Variants in NDUFAF2 observed in about 807,000 individuals in gnomAD.
NDUFAF2 encodes NADH:ubiquinone oxidoreductase complex assembly factor 2.
In NDUFAF2, 13 loss-of-function variants were observed where a neutral mutation model predicts 22.8. The observed-to-expected ratio is 0.57, with a 90% CI of 0.37 to 0.91. The LOEUF (loss-of-function observed/expected upper bound fraction) is 0.91, where lower values mean the gene tolerates loss of function less well. Among genes scored for constraint, NDUFAF2 ranks in the 40% least tolerant of loss-of-function variants. NDUFAF2 has a pLI of 0.01. For synonymous variants in NDUFAF2, 53 were observed against 64.2 expected (o/e 0.83, Z 0.84); for missense variants, 162 against 195.2 (o/e 0.83, Z 1.01).
chr5:60,988,595 G>T (rs1319909613), intron 1 of NDUFAF2, among the ~76,000 whole-genome samples: 1 of 152,032 alleles, frequency 6.6e-6, no homozygotes, highest in Non-Finnish European at 1.5e-5. Flanking sequence ...TAAACCAATG[G>T]AACAGAATAG....
chr5:61,110,280 T>C (rs374530439), intron 3 of NDUFAF2, among the ~76,000 whole-genome samples: 87 of 152,002 alleles, frequency 5.7e-4, no homozygotes, highest in African/African-American at 1.9e-3. Flanking sequence ...TCTTCTTCTT[T>C]TTTTTTTTAA....
chr5:61,075,996 G>A (rs1752363655), intron 2 of NDUFAF2, among the ~76,000 whole-genome samples: 1 of 152,124 alleles, frequency 6.6e-6, no homozygotes, highest in African/African-American at 2.4e-5. Context: ...TAAATAACTA[G>A]ACTATATTGT....
At chr5:61,090,069 C>G (rs9291706) in intron 2 of NDUFAF2, among the ~76,000 whole-genome samples, 1 of 151,808 alleles carries the variant, frequency 6.6e-6, no homozygotes, top group Non-Finnish European at 1.5e-5. Flanking sequence ...ACTGGTGTGT[C>G]TTCATAGACT....
At chr5:61,029,911 T>C (rs1473717633) in intron 1 of NDUFAF2, among the ~76,000 whole-genome samples, 1 of 152,080 alleles carries the variant, frequency 6.6e-6, no homozygotes, top group Non-Finnish European at 1.5e-5. Flanking sequence ...CTAGAACCAG[T>C]GTATTTTGGC....
At chr5:61,000,438 G>T (rs540749437) in intron 1 of NDUFAF2, among the ~76,000 whole-genome samples, 1 of 152,096 alleles carries the variant, frequency 6.6e-6, no homozygotes, top group East Asian at 1.9e-4. Context: ...TCTGTGTTAA[G>T]AAATGCTTTA....
intron 1 of NDUFAF2, among the ~76,000 whole-genome samples, chr5:60,993,029 C>T (rs1751181137): frequency 6.6e-6 from 1 of 152,210 alleles, no homozygotes; most frequent in Non-Finnish European, 1.5e-5. Flanking sequence ...TTGGCTCAGG[C>T]TACTGGTCTG....
chr5:60,959,308 A>T lies in NDUFAF2; in HGVS notation c.127+13926A>T, dbSNP rs186301771. Among the ~76,000 whole-genome samples the T allele has an allele frequency of 1.3e-3, 190 of 151,996 alleles. 1 individual carries two copies. The highest frequency in any genetic ancestry group is 4.5e-3 in the African/African-American group (186 of 41,514). ...TTAAACATTTTAGATTCACTGTTAA[A>T]TTTTTTTTGAATTGATTTGAAGGAG... On this transcript the variant is annotated intron_variant, in intron 1 of 3. Transcript: ENST00000296597.
intron 1 of NDUFAF2, among the ~76,000 whole-genome samples, chr5:61,007,235 T>C (rs1751379373): frequency 1.3e-5 from 2 of 151,814 alleles, no homozygotes; most frequent in South Asian, 4.2e-4. Context: ...TCTTCTAGGG[T>C]TTTTATGGTT....
At chr5:61,099,108 T>G (rs1752676953) in intron 3 of NDUFAF2, 76 bp downstream of exon 3, 2 of 1,005,584 alleles carry the variant, frequency 2.0e-6, no homozygotes, top group African/African-American at 3.2e-5. Context: ...AAAACTATGA[T>G]GTATTTTCTC....
chr5:61,127,190 C>T (rs1367479298), intron 3 of NDUFAF2, among the ~76,000 whole-genome samples: 7 of 152,038 alleles, frequency 4.6e-5, no homozygotes, highest in East Asian at 1.9e-4. Context: ...GATTCACAGC[C>T]GAATTCTACC....
At chr5:60,951,093 G>A (rs113957066) in intron 1 of NDUFAF2, among the ~76,000 whole-genome samples, 3,664 of 152,034 alleles carry the variant, frequency 0.024, 62 homozygotes, top group Non-Finnish European at 0.037. Context: ...GCAGTAGTGC[G>A]ATATTGGCTC....
intron 1 of NDUFAF2, among the ~76,000 whole-genome samples, chr5:61,056,954 T>TATATATATATA (rs1752108301): frequency 1.0e-5 from 1 of 98,672 alleles, no homozygotes; most frequent in South Asian, 3.4e-4. Context: ...ATATATATAT[T>TATATATATATA]TATATGGTGC....
At chr5:61,089,804 T>C (rs1226714180) in intron 2 of NDUFAF2, among the ~76,000 whole-genome samples, 1 of 152,112 alleles carries the variant, frequency 6.6e-6, no homozygotes, top group East Asian at 1.9e-4. Context: ...AATGGATGAA[T>C]TTTATAAACT....
intron 1 of NDUFAF2, among the ~76,000 whole-genome samples, chr5:61,068,342 C>T (rs938642462): frequency 1.3e-5 from 2 of 152,102 alleles, no homozygotes; most frequent in Non-Finnish European, 2.9e-5. Context: ...GTTATTAACA[C>T]ACTTTTACAA....
At chr5:61,074,053 T>C (rs1752335098) in intron 2 of NDUFAF2, among the ~76,000 whole-genome samples, 7 of 152,222 alleles carry the variant, frequency 4.6e-5, no homozygotes. Context: ...GAGTTCAAAA[T>C]GGCACCTCAT....
At chr5:61,087,707 A>C (rs1361422601) in intron 2 of NDUFAF2, among the ~76,000 whole-genome samples, 4 of 152,090 alleles carry the variant, frequency 2.6e-5, no homozygotes, top group African/African-American at 9.7e-5. Flanking sequence ...CTTGTACCGG[A>C]ATTTTCCCAG....
chr5:61,074,724 C>T (rs553349004), intron 2 of NDUFAF2, among the ~76,000 whole-genome samples: 2 of 152,288 alleles, frequency 1.3e-5, no homozygotes, highest in Admixed American at 6.5e-5. Context: ...TGCGCCATTG[C>T]ACTCTGGCTT....
At chr5:61,039,296 A>G (rs1221659670) in intron 1 of NDUFAF2, among the ~76,000 whole-genome samples, 1 of 152,150 alleles carries the variant, frequency 6.6e-6, no homozygotes, top group Non-Finnish European at 1.5e-5. Flanking sequence ...TGTAACAAGC[A>G]TATTATAGAA....
At chr5:61,056,060 A>T (rs951579132) in intron 1 of NDUFAF2, among the ~76,000 whole-genome samples, 1 of 152,230 alleles carries the variant, frequency 6.6e-6, no homozygotes, top group Non-Finnish European at 1.5e-5. Context: ...CCTAAATTAC[A>T]TGATCTTCAG....
Sources: allele counts gnomAD v4.1 joint callset (sites outside exome capture counted in the v4.1 genomes callset), GRCh38; gene constraint gnomAD v4.1.1; transcripts MANE v1.5; gene names NCBI Gene and HGNC (gene_info 2026-07-23, HGNC 2026-07-21).